The following EFCAB6 variants were observed in gnomAD, a reference collection of about 807,000 sequenced individuals.
The protein encoded by EFCAB6 is EF-hand calcium binding domain 6.
EFCAB6 carries 156 observed loss-of-function variants against 169.8 expected under a neutral mutation model. The ratio of observed to expected loss-of-function variants is 0.92; its 90% CI spans 0.81 to 1.05. EFCAB6 has a LOEUF of 1.05. EFCAB6 is among the 50% of genes least tolerant of loss of function. The pLI is 0.00. For missense variants in EFCAB6, 1,800 were observed against 1,829.1 expected (o/e 0.98, Z 0.29); for synonymous variants, 698 against 676.4 (o/e 1.03, Z -0.50).
intron 23 of EFCAB6, among the ~76,000 whole-genome samples, chr22:43,598,310 GGAAAAAAAAAAAA>G (rs1438249992): frequency 1.7e-5 from 1 of 57,660 alleles, no homozygotes; most frequent in Non-Finnish European, 3.4e-5. Flanking sequence ...ACTGTCTCCG[GGAAAAAAAAAAAA>G]AAAAAAAAAA....
At chr22:43,632,075 G>A (rs766517727) in intron 19 of EFCAB6, 30 bp downstream of exon 19, 3 of 1,609,954 alleles carry the variant, frequency 1.9e-6, no homozygotes, top group East Asian at 2.2e-5. Flanking sequence ...GAGGCCTAGA[G>A]AAGCCCAGCG....
intron 12 of EFCAB6, among the ~76,000 whole-genome samples, chr22:43,681,176 T>G (rs2057993179): frequency 1.3e-5 from 2 of 152,228 alleles, no homozygotes; most frequent in South Asian, 4.1e-4. Flanking sequence ...TAAACAGGTG[T>G]TGGATTTTTC....
intron 5 of EFCAB6, among the ~76,000 whole-genome samples, chr22:43,762,932 A>G (rs180871612): frequency 8.5e-5 from 13 of 152,364 alleles, no homozygotes; most frequent in African/African-American, 3.1e-4. Flanking sequence ...CTTTTGAAAG[A>G]GCCTGGAAAT....
intron 2 of EFCAB6, among the ~76,000 whole-genome samples, chr22:43,785,513 T>C (rs1025992321): frequency 1.3e-5 from 2 of 152,140 alleles, no homozygotes; most frequent in Non-Finnish European, 2.9e-5. Flanking sequence ...GCTAAAACAG[T>C]GCTTAGATGA....
rs545544473 is a variant in EFCAB6, at chr22:43,730,826, G to A, written c.757+873C>T. 5.3e-5 allele frequency among the ~76,000 whole-genome samples: 8 copies of A among 152,294 alleles called. 1 individual carries two copies. Among genetic ancestry groups the A allele is most frequent in the African/African-American group, 1.7e-4 (7 of 41,568 alleles). ...AGGAGGCTTCGAAAACTAGAGCACT[G>A]GAGTCTGCTCTAAGCAAGCTTGGTT... On this transcript the variant is annotated intron_variant, in intron 8 of 31. Coordinates refer to ENST00000262726, the MANE Select transcript of EFCAB6 (RefSeq NM_022785.4).
Position 43,540,227 on chromosome 22 carries a change from C to G in EFCAB6, c.3779G>C (p.Arg1260Thr), listed in dbSNP as rs1341356787. 4 of 1,614,256 alleles carry G rather than the reference C, an allele frequency of 2.5e-6. No individual in the cohort carries two copies. The highest frequency in any genetic ancestry group is 2.2e-5 in the East Asian group (1 of 44,876). ...MATGDSAVAQ[R>T]GSSVPDVSEG... ...CGAGACGTCAGGGACACTGCTCCCT[C>G]TCTGGGCCACGGCCGAGTCACCAGT... The change falls in exon 28 of 32, where the codon AGA becomes ACA. Residue 1260 changes from arginine to threonine, a missense_variant. By Grantham distance (71) the Arg-to-Thr change is moderately conservative (BLOSUM62 -1). Coordinates refer to ENST00000262726, the MANE Select transcript of EFCAB6 (RefSeq NM_022785.4).
intron 26 of EFCAB6, among the ~76,000 whole-genome samples, chr22:43,563,111 C>G (rs2049173246): frequency 6.6e-6 from 1 of 152,068 alleles, no homozygotes; most frequent in African/African-American, 2.4e-5. Context: ...GCAGGCAGCA[C>G]CAGTAACCAA....
At chr22:43,806,142 G>A (rs1162406956) in intron 2 of EFCAB6, among the ~76,000 whole-genome samples, 1 of 141,330 alleles carries the variant, frequency 7.1e-6, no homozygotes, top group East Asian at 2.4e-4. Flanking sequence ...CTCCAGCCTG[G>A]GTGATCAAGT....
chr22:43,790,283 A>G (rs971803582), intron 2 of EFCAB6, among the ~76,000 whole-genome samples: 1 of 152,214 alleles, frequency 6.6e-6, no homozygotes, highest in Non-Finnish European at 1.5e-5. Flanking sequence ...ATTTAACTGA[A>G]TTGAATCTTT....
chr22:43,784,642 C>T (rs113964839), intron 2 of EFCAB6, among the ~76,000 whole-genome samples: 29,502 of 59,586 alleles, frequency 0.5, 7,995 homozygotes, highest in East Asian at 0.79. Context: ...TGTATATGTA[C>T]ACATATATAT....
chr22:43,762,493 T>C (rs1315588785), intron 5 of EFCAB6, among the ~76,000 whole-genome samples: 3 of 152,236 alleles, frequency 2.0e-5, no homozygotes, highest in Non-Finnish European at 2.9e-5. Flanking sequence ...CTCAGTAATG[T>C]ATTAAAATGT....
chr22:43,804,816 T>C (rs1322333773), intron 2 of EFCAB6, among the ~76,000 whole-genome samples: 1 of 132,506 alleles, frequency 7.5e-6, no homozygotes, highest in Non-Finnish European at 1.6e-5. Flanking sequence ...CAAGAAAAAA[T>C]ACAGAGAATC....
chr22:43,805,188 A>G (rs1185429283), intron 2 of EFCAB6, among the ~76,000 whole-genome samples: 1 of 152,226 alleles, frequency 6.6e-6, no homozygotes, highest in African/African-American at 2.4e-5. Flanking sequence ...TACAAGGAAA[A>G]CTATAAAACA....
At chr22:43,556,157 C>A (rs2147083184) in intron 26 of EFCAB6, among the ~76,000 whole-genome samples, 1 of 152,052 alleles carries the variant, frequency 6.6e-6, no homozygotes, top group Middle Eastern at 3.4e-3. Context: ...AACTGGGGCC[C>A]AGGGGATGAA....
At chr22:43,670,723 G>A (rs934628546) in intron 15 of EFCAB6, among the ~76,000 whole-genome samples, 2 of 152,180 alleles carry the variant, frequency 1.3e-5, no homozygotes, top group Admixed American at 6.5e-5. Context: ...CCAGAACAAC[G>A]CCTACCTCAC....
rs975752241 is a variant in EFCAB6, at chr22:43,710,323, G to C, written c.1031+1152C>G. Among the ~76,000 whole-genome samples the C allele has an allele frequency of 4.6e-5, 7 of 152,286 alleles. No individual in the cohort carries two copies. In the South Asian group the frequency reaches 1.5e-3, roughly 32 times the overall value. On this transcript the variant is annotated intron_variant, in intron 10 of 31. Transcript: ENST00000262726. ...ATCTGGTCACATCAACAGGATGTTG[G>C]AGCCAACGTGAAAATGCTCCCACTG...
At chr22:43,655,531 A>AAG (rs2056694506) in intron 17 of EFCAB6, among the ~76,000 whole-genome samples, 2 of 152,042 alleles carry the variant, frequency 1.3e-5, no homozygotes, top group Admixed American at 1.3e-4. Flanking sequence ...AAAAAAAAAA[A>AAG]AAAAAGTTGG....
chr22:43,754,886 C>T (rs903237929), intron 6 of EFCAB6, among the ~76,000 whole-genome samples: 1 of 152,130 alleles, frequency 6.6e-6, no homozygotes, highest in African/African-American at 2.4e-5. Flanking sequence ...AAATGGGTCA[C>T]AGCAAAAGCA....
intron 25 of EFCAB6, 34 bp from the exon 26 acceptor site, chr22:43,576,522 T>A: frequency 6.7e-7 from 1 of 1,491,284 alleles, no homozygotes; most frequent in East Asian, 2.5e-5. Flanking sequence ...AGATGGCAAA[T>A]CCTGTCAAAT....
Sources: gnomAD v4.1 joint callset for allele counts (sites outside exome capture counted in the v4.1 genomes callset) on GRCh38, gnomAD v4.1.1 for gene constraint, MANE v1.5 for transcripts, NCBI Gene and HGNC (gene_info 2026-07-23, HGNC 2026-07-21) for gene names.